E2F6: variants seen among roughly 807,000 people sequenced by gnomAD.
The protein encoded by E2F6 is transcription factor E2F6.
In E2F6, 19 loss-of-function variants were observed where a neutral mutation model predicts 31.5. The observed-to-expected ratio is 0.60, with a 90% CI of 0.42 to 0.89. E2F6 has a LOEUF of 0.89. Ranked by LOEUF, E2F6 falls within the 40% of genes least tolerant of loss-of-function variation. E2F6 has a pLI of 0.00. For missense variants in E2F6, 269 were observed against 341.6 expected (o/e 0.79, Z 1.67); for synonymous variants, 121 against 127.7 (o/e 0.95, Z 0.36).
At chr2:11,458,549 A>G (rs1671558187) in intron 1 of E2F6, among the ~76,000 whole-genome samples, 1 of 152,218 alleles carries the variant, frequency 6.6e-6, no homozygotes, top group Admixed American at 6.5e-5. Context: ...CATAACCAGT[A>G]GAGAATCACC....
intron 4 of E2F6, 120 bp from the exon 5 acceptor site, chr2:11,450,246 G>T: frequency 2.0e-6 from 1 of 492,220 alleles, no homozygotes; most frequent in Non-Finnish European, 3.5e-6. Flanking sequence ...TGAGATACAA[G>T]TTCACCATTA....
Position 11,446,418 on chromosome 2 carries a change from G to A in E2F6, c.*59C>T, listed in dbSNP as rs569484319. 5.2e-5 allele frequency: 67 copies of A among 1,293,612 alleles called. 2 individuals carry two copies. The highest frequency in any genetic ancestry group is 2.4e-4 in the South Asian group (20 of 82,784). 80.1% of individuals were successfully genotyped at this position (1,293,612 alleles called of 1,614,324 possible). ...TTGCTCTGAGAATCAAATTTGATGC[G>A]TAATTCTCCACGAAGATATTCCCAA... On this transcript the variant is annotated 3_prime_UTR_variant, in exon 7 of 7. Transcript: ENST00000381525.
chr2:11,446,735 C>T (rs185224034), intron 6 of E2F6, among the ~76,000 whole-genome samples: 4 of 152,202 alleles, frequency 2.6e-5, no homozygotes, highest in Non-Finnish European at 4.4e-5. Context: ...CCTGAAAGCA[C>T]CCGTCCGAGA....
rs1670698805 is a variant in E2F6, at chr2:11,446,169, T to C, written c.*308A>G. The C allele has an allele frequency of 2.6e-6, 1 of 379,998 alleles. No homozygotes were observed. The highest frequency in any genetic ancestry group is 2.1e-5 in the African/African-American group (1 of 48,042). 23.5% of individuals were successfully genotyped at this position (379,998 alleles called of 1,614,324 possible). A position where few individuals can be genotyped will look rare whatever the true frequency, so the allele number is the denominator to read the frequency against. On this transcript the variant is annotated 3_prime_UTR_variant, in exon 7 of 7. Coordinates refer to ENST00000381525, the MANE Select transcript of E2F6 (RefSeq NM_198256.4). Reference sequence around the variant, plus strand: ...GGGAAGGGTAGAGTCCACAAAGAACTGTCCATTTCAGCCTGACTGTCTGTC... The same window carrying C: ...GGGAAGGGTAGAGTCCACAAAGAACCGTCCATTTCAGCCTGACTGTCTGTC...
At chr2:11,465,110 G>A (rs1230873250) in intron 1 of E2F6, among the ~76,000 whole-genome samples, 8 of 150,796 alleles carry the variant, frequency 5.3e-5, no homozygotes, top group African/African-American at 2.0e-4. Context: ...CCTGGGAGGT[G>A]GGGGTTGCAG....
In E2F6 at chr2:11,444,397, C is replaced by T. The variant is rs762022500; in HGVS notation, c.*2080G>A. 1 of 152,154 alleles carries T rather than the reference C, an allele frequency of 6.6e-6. No homozygotes were observed. The highest frequency in any genetic ancestry group is 1.5e-5 in the Non-Finnish European group (1 of 68,014). 9.4% of individuals were successfully genotyped at this position (152,154 alleles called of 1,614,324 possible). On this transcript the variant is annotated 3_prime_UTR_variant, in exon 7 of 7. Transcript: ENST00000381525. ...AGATGGAGTGACTCGAGAGATACTTCATTTATAACACACATCTGTAATTTA... is the reference window on the plus strand; with the variant it reads ...AGATGGAGTGACTCGAGAGATACTTTATTTATAACACACATCTGTAATTTA...
chr2:11,449,887 G>T, intron 5 of E2F6, 125 bp downstream of exon 5: 1 of 597,056 alleles, frequency 1.7e-6, no homozygotes, highest in South Asian at 2.3e-5. Flanking sequence ...GAAGTGCCTT[G>T]AGCAGTATCG....
chr2:11,456,792 G>A (rs1028371456), intron 2 of E2F6, among the ~76,000 whole-genome samples: 1 of 152,198 alleles, frequency 6.6e-6, no homozygotes, highest in Non-Finnish European at 1.5e-5. Flanking sequence ...TATCCACTGA[G>A]ATTAGGAAGC....
chr2:11,450,765 G>A (rs898627899), intron 4 of E2F6, among the ~76,000 whole-genome samples: 1 of 151,816 alleles, frequency 6.6e-6, no homozygotes, highest in African/African-American at 2.4e-5. Context: ...CTGATTGGCT[G>A]CAGTAATGTT....
Position 11,453,747 on chromosome 2 carries a change from G to A in E2F6, c.215C>T (p.Thr72Ile). Residue 72 changes from threonine to isoleucine, a missense_variant, in exon 3 of 7, where the codon ACT becomes ATT. By Grantham distance (89) the Thr-to-Ile change is moderately conservative. Coordinates refer to ENST00000381525, the MANE Select transcript of E2F6 (RefSeq NM_198256.4). ...PRFDVSLVYL[T>I]RKFMDLVRSA... ...TCTGACAAGATCCATAAATTTTCGA[G>A]TTAAATAAACCAGCGATACATCAAA... The A allele has an allele frequency of 6.2e-7, 1 of 1,614,140 alleles. No individual in the cohort carries two copies. The highest frequency in any genetic ancestry group is 8.5e-7 in the Non-Finnish European group (1 of 1,180,024).
At chr2:11,462,309 T>A (rs921353618) in intron 1 of E2F6, among the ~76,000 whole-genome samples, 1 of 152,190 alleles carries the variant, frequency 6.6e-6, no homozygotes, top group Non-Finnish European at 1.5e-5. Context: ...CCAATCTCTA[T>A]ATATACTATT....
chr2:11,464,794 A>G (rs1672032480), intron 1 of E2F6, among the ~76,000 whole-genome samples: 1 of 152,222 alleles, frequency 6.6e-6, no homozygotes, highest in African/African-American at 2.4e-5. Context: ...GTATTATAAA[A>G]CACTGCTGTG....
chr2:11,453,929 G>T, intron 2 of E2F6, 131 bp from the exon 3 acceptor site: 1 of 777,040 alleles, frequency 1.3e-6, no homozygotes, highest in Non-Finnish European at 2.0e-6. Flanking sequence ...CCAAATCAAA[G>T]CTGGTTTCTA....
At chr2:11,460,555 G>C (rs115396705) in intron 1 of E2F6, among the ~76,000 whole-genome samples, 1 of 152,090 alleles carries the variant, frequency 6.6e-6, no homozygotes, top group South Asian at 2.1e-4. Context: ...CCTATTGTGG[G>C]GCTTCTCAGC....
chr2:11,448,427 T>G (rs374880590), intron 5 of E2F6, among the ~76,000 whole-genome samples: 133 of 152,228 alleles, frequency 8.7e-4, no homozygotes, highest in Middle Eastern at 3.4e-3. Context: ...TATAACAAAG[T>G]CTGTTTTCTC....
intron 1 of E2F6, among the ~76,000 whole-genome samples, chr2:11,464,440 T>A (rs1239872782): frequency 7.0e-6 from 1 of 143,772 alleles, no homozygotes. Flanking sequence ...TGGCGTGAAC[T>A]CGGGAGGCGG....
Position 11,466,054 on chromosome 2 carries a change from G to C in E2F6, c.-175C>G, listed in dbSNP as rs1395372392. On this transcript the variant is annotated 5_prime_UTR_variant, in exon 1 of 7. Transcript: ENST00000381525. ...GCCGTCCCGCCCGCCAGTAAACGCG[G>C]CACGGCCTCACGTGCCCGGGAGCTC... 2.2e-5 allele frequency: 12 copies of C among 554,614 alleles called. No individual in the cohort carries two copies. The highest frequency in any genetic ancestry group is 9.2e-6 in the Non-Finnish European group (3 of 325,812). 34.4% of individuals were successfully genotyped at this position (554,614 alleles called of 1,614,324 possible). A position where few individuals can be genotyped will look rare whatever the true frequency, so the allele number is the denominator to read the frequency against.
At chr2:11,463,945 C>T (rs13395890) in intron 1 of E2F6, among the ~76,000 whole-genome samples, 55,145 of 100,494 alleles carry the variant, frequency 0.55, 14,894 homozygotes, top group African/African-American at 0.62. Flanking sequence ...TGAGATCCTG[C>T]ACCGGGGGGG....
chr2:11,447,455 A>T (rs2148332378), intron 6 of E2F6, among the ~76,000 whole-genome samples, 172 bp downstream of exon 6: 1 of 152,358 alleles, frequency 6.6e-6, no homozygotes, highest in East Asian at 1.9e-4. Flanking sequence ...AACTACAGAA[A>T]TTTAACTATA....
Sources: allele counts gnomAD v4.1 joint callset (sites outside exome capture counted in the v4.1 genomes callset), GRCh38; gene constraint gnomAD v4.1.1; transcripts MANE v1.5; gene names NCBI Gene and HGNC (gene_info 2026-07-23, HGNC 2026-07-21).